Variants in ITGB2 observed in about 807,000 individuals in gnomAD.
ITGB2 encodes the protein integrin subunit beta 2.
ITGB2 carries 56 observed loss-of-function variants against 86.8 expected under a neutral mutation model. The observed-to-expected ratio is 0.65, with a 90% CI of 0.52 to 0.81. The LOEUF is 0.81. ITGB2 is among the 30% of genes least tolerant of loss of function. The pLI is 0.00. For synonymous variants in ITGB2, 457 were observed against 450.4 expected (o/e 1.01, Z -0.19); for missense variants, 948 against 1,061.2 (o/e 0.89, Z 1.48).
In ITGB2 at chr21:44,891,914, A is replaced by G. The variant is rs1479060530; in HGVS notation, c.1307T>C (p.Ile436Thr). The G allele has an allele frequency of 1.2e-6, 2 of 1,613,088 alleles. No homozygotes were observed. Among genetic ancestry groups the G allele is most frequent in the Non-Finnish European group, 1.7e-6 (2 of 1,179,800 alleles). The change falls in exon 11 of 16, where the codon ATA (isoleucine) becomes ACA (threonine). Residue 436 changes from isoleucine (I) to threonine (T), a missense_variant. Physicochemically the swap from Ile to Thr is moderately conservative, Grantham distance 89. Coordinates refer to ENST00000652462, the MANE Select transcript of ITGB2 (RefSeq NM_000211.5). ...CTGGGGAAGAACCTGCACGGTCACTATGTCCGTGAAGCCCAGCGCCCGGAT... is the reference window on the plus strand; with the variant it reads ...CTGGGGAAGAACCTGCACGGTCACTGTGTCCGTGAAGCCCAGCGCCCGGAT... The part of the protein sequence containing the change: ...FVIRALGFTD[I>T]VTVQVLPQCE...
chr21:44,890,682 T>A (rs946245455), intron 11 of ITGB2, among the ~76,000 whole-genome samples: 7 of 152,140 alleles, frequency 4.6e-5, no homozygotes, highest in Admixed American at 6.5e-5. Context: ...AAGGGGTTTT[T>A]ACAGATGTGG....
At chr21:44,924,765 C>T (rs539481206), upstream of ITGB2, among the ~76,000 whole-genome samples, 19 of 152,268 alleles carry the variant, frequency 1.2e-4, no homozygotes, top group South Asian at 2.1e-4. Context: ...ACTCACGCTA[C>T]GGGGTAATGA....
At chr21:44,926,640 G>T (rs1008971624) in intron 1 of ITGB2, among the ~76,000 whole-genome samples, 19 of 152,202 alleles carry the variant, frequency 1.2e-4, no homozygotes, top group African/African-American at 4.6e-4. Flanking sequence ...GAAACTGGCC[G>T]CATGTCTGGG....
intron 8 of ITGB2, among the ~76,000 whole-genome samples, chr21:44,898,866 T>C (rs2083905896): frequency 6.6e-6 from 1 of 152,222 alleles, no homozygotes; most frequent in African/African-American, 2.4e-5. Flanking sequence ...GAGGAATTCC[T>C]CCTCCTATCG....
chr21:44,919,535 C>G (rs1429120204), intron 1 of ITGB2, among the ~76,000 whole-genome samples: 1 of 152,226 alleles, frequency 6.6e-6, no homozygotes, highest in Non-Finnish European at 1.5e-5. Flanking sequence ...GGGGTGACGG[C>G]AGACAGCCCA....
intron 1 of ITGB2, among the ~76,000 whole-genome samples, chr21:44,916,388 C>T (rs113721258): frequency 6.6e-6 from 1 of 152,166 alleles, no homozygotes. Flanking sequence ...CAAGGGGACA[C>T]CACTCCTCCA....
At chr21:44,927,191 C>A (rs1490108266) in intron 1 of ITGB2, among the ~76,000 whole-genome samples, 2 of 152,150 alleles carry the variant, frequency 1.3e-5, no homozygotes, top group Non-Finnish European at 2.9e-5. Context: ...ACGGAGGAGA[C>A]CCCATAGGAG....
rs143499371 is a variant in ITGB2, at chr21:44,901,431, G to A, written c.741+61C>T. ...GGGTACCCCCCTGCCCCCACACAGC[G>A]CCTGACAGAGCCCCCCACACTGGGG... On this transcript the variant is annotated intron_variant, in intron 6 of 15. Transcript: ENST00000652462. 836 of 1,588,300 alleles carry A rather than the reference G, an allele frequency of 5.3e-4. 9 individuals carry two copies. In the African/African-American group the frequency reaches 9.3e-3, roughly 18 times the overall value.
intron 1 of ITGB2, among the ~76,000 whole-genome samples, chr21:44,918,555 C>A (rs2084245225): frequency 1.3e-5 from 2 of 152,228 alleles, no homozygotes; most frequent in South Asian, 4.1e-4. Context: ...GACCAAATAG[C>A]CTGCTCACCC....
At position 44,901,534 on chromosome 21, in the gene ITGB2, G is replaced by A. The variant is rs369682384; in HGVS notation, c.699C>T (p.Pro233=). The change falls in exon 6 of 16, where the codon CCC becomes CCT. Residue 233 remains proline, a synonymous_variant. Transcript: ENST00000652462. ...KQLISGNLDA[P]EGGLDAMMQV... ...GCATCATGGCGTCCAGCCCACCCTC[G>A]GGTGCATCCAGGTTTCCGGAAATCA... The A allele has an allele frequency of 3.7e-5, 60 of 1,614,108 alleles. No individual in the cohort carries two copies. Among genetic ancestry groups the A allele is most frequent in the Admixed American group, 1.7e-4 (10 of 59,996 alleles).
At chr21:44,914,988 G>A (rs1405482784) in intron 1 of ITGB2, among the ~76,000 whole-genome samples, 1 of 152,118 alleles carries the variant, frequency 6.6e-6, no homozygotes, top group Admixed American at 6.5e-5. Context: ...CAGAGAGAGG[G>A]CAGAGCCTAT....
chr21:44,903,445 A>G lies in ITGB2; in HGVS notation c.419T>C (p.Leu140Pro). ...YYLMDLSYSM[L>P]DDLRNVKKLG... Reference sequence around the variant, plus strand: ...CTTCTTGACATTCCTGAGGTCATCAAGCATGGAGTAGGAGAGGTCCATCAG... The same window carrying G: ...CTTCTTGACATTCCTGAGGTCATCAGGCATGGAGTAGGAGAGGTCCATCAG... Residue 140 changes from leucine (L) to proline (P), a missense_variant, in exon 5 of 16, where the codon CTT (leucine) becomes CCT (proline). Coordinates refer to ENST00000652462, the MANE Select transcript of ITGB2 (RefSeq NM_000211.5). 1 of 1,614,096 alleles carries G rather than the reference A, an allele frequency of 6.2e-7. No individual in the cohort carries two copies.
chr21:44,887,981 C>T (rs991014012), intron 14 of ITGB2, among the ~76,000 whole-genome samples: 3 of 152,238 alleles, frequency 2.0e-5, no homozygotes, highest in African/African-American at 7.2e-5. Context: ...AGCCCCAGCC[C>T]CTCTGCCTCT....
At chr21:44,901,922 CGT>C in intron 5 of ITGB2, 189 bp from the exon 6 acceptor site, 2 of 640,796 alleles carry the variant, frequency 3.1e-6, no homozygotes, top group Non-Finnish European at 5.3e-6. Context: ...CGTATGTGGG[CGT>C]GTGTGTGAAC....
chr21:44,906,419 G>C (rs2084043871), intron 4 of ITGB2, among the ~76,000 whole-genome samples: 1 of 152,050 alleles, frequency 6.6e-6, no homozygotes, highest in Non-Finnish European at 1.5e-5. Flanking sequence ...CCGATAAGGA[G>C]GGCGTTTCTC....
chr21:44,909,114 C>T (rs1219724941), intron 3 of ITGB2, among the ~76,000 whole-genome samples: 1 of 152,200 alleles, frequency 6.6e-6, no homozygotes, highest in Non-Finnish European at 1.5e-5. Flanking sequence ...GGGACCTCCG[C>T]GGATGCTGAG....
chr21:44,899,166 G>C lies in ITGB2; in HGVS notation c.898-4C>G. On this transcript the variant is annotated splice_polypyrimidine_tract_variant and splice_region_variant and intron_variant, in intron 7 of 15. Coordinates refer to ENST00000652462, the MANE Select transcript of ITGB2 (RefSeq NM_000211.5). ...GCTGGCCCACCGATGGGTAGTCCTG[G>C]AGAGAGGAGGTCCTGCTCAGTTGGC... The C allele has an allele frequency of 6.2e-7, 1 of 1,610,710 alleles. No homozygotes were observed. Among genetic ancestry groups the C allele is most frequent in the Non-Finnish European group, 8.5e-7 (1 of 1,177,072 alleles).
chr21:44,897,844 G>C (rs2083891964), intron 8 of ITGB2, among the ~76,000 whole-genome samples: 1 of 152,184 alleles, frequency 6.6e-6, no homozygotes, highest in African/African-American at 2.4e-5. Context: ...GTGGCCTCAG[G>C]GCCACACACT....
chr21:44,908,958 T>C (rs911828216), intron 3 of ITGB2, among the ~76,000 whole-genome samples: 3 of 152,154 alleles, frequency 2.0e-5, no homozygotes, highest in Non-Finnish European at 4.4e-5. Context: ...CATGCACTAC[T>C]GAACAAAATA....
Sources: allele counts gnomAD v4.1 joint callset (sites outside exome capture counted in the v4.1 genomes callset), GRCh38; gene constraint gnomAD v4.1.1; transcripts MANE v1.5; gene names NCBI Gene and HGNC (gene_info 2026-07-23, HGNC 2026-07-21).